The following RNF103 variants were observed in gnomAD, a reference collection of about 807,000 sequenced individuals.
RNF103 encodes the protein ring finger protein 103, also known as E3 ubiquitin-protein ligase RNF103.
In RNF103, 23 loss-of-function variants were observed where a neutral mutation model predicts 66.2. The observed-to-expected ratio is 0.35, with a 90% CI of 0.25 to 0.49. The LOEUF (loss-of-function observed/expected upper bound fraction) is 0.49. Among genes scored for constraint, RNF103 ranks in the 20% least tolerant of loss-of-function variants. The probability of loss-of-function intolerance (pLI) is 0.98; values close to 1 mark genes in which losing one functional copy is unlikely to be tolerated. For synonymous variants in RNF103, 297 were observed against 289.9 expected (o/e 1.02, Z -0.25); for missense variants, 730 against 814.7 (o/e 0.90, Z 1.27).
Position 86,603,948 on chromosome 2 carries a change from C to A in RNF103, c.1953G>T (p.Trp651Cys). 1 of 1,614,130 alleles carries A rather than the reference C, an allele frequency of 6.2e-7. No homozygotes were observed. Among genetic ancestry groups the A allele is most frequent in the African/African-American group, 1.3e-5 (1 of 75,022 alleles). ...HVFHQNCIVM[W>C]LAGGRHCCPV... ...GGCAACAATGTCGGCCCCCAGCCAA[C>A]CACATCACAATGCAATTCTGATGAA... The change falls in exon 4 of 4, where the codon TGG becomes TGT. Residue 651 changes from tryptophan (W) to cysteine (C), a missense_variant. Physicochemically the swap from Trp to Cys is radical, Grantham distance 215 (BLOSUM62 -2). Transcript: ENST00000237455.
In RNF103 at chr2:86,604,136, C is replaced by T; in HGVS notation, c.1765G>A (p.Glu589Lys). 6.2e-7 allele frequency: 1 copy of T among 1,613,370 alleles called. No individual in the cohort carries two copies. The highest frequency in any genetic ancestry group is 1.1e-5 in the South Asian group (1 of 91,084). Residue 589 changes from glutamate (E) to lysine (K), a missense_variant, in exon 4 of 4, where the codon GAA becomes AAA. Coordinates refer to ENST00000237455, the MANE Select transcript of RNF103 (RefSeq NM_005667.4). ...GATCCATATGACCTCCCCTTCCTTT[C>T]ACATGGGCTGGTCTGACAATATTTA... ...ANKYCQTSPC[E>K]RKGRSYGSYN... is the part of the protein sequence containing the mutation.
rs1239338036 is a variant in RNF103 at position 86,623,151 on chromosome 2, A to T, written c.-265T>A. ...GAGCCGACAAAAATAAAGGGGAAAA[A>T]CTCAAAACCCCCATCCATTAAGCAC... On this transcript the variant is annotated 5_prime_UTR_variant, in exon 1 of 4. Coordinates refer to ENST00000237455, the MANE Select transcript of RNF103 (RefSeq NM_005667.4). 8.7e-7 allele frequency: 1 copy of T among 1,146,758 alleles called. No individual in the cohort carries two copies. The highest frequency in any genetic ancestry group is 1.6e-5 in the African/African-American group (1 of 60,900). The allele number at this position is 1,146,758 out of a possible 1,614,324, so 71.0% of individuals were successfully genotyped here.
At chr2:86,617,539 AT>A in intron 2 of RNF103, 1 of 629,500 alleles carries the variant, frequency 1.6e-6, no homozygotes, top group Non-Finnish European at 2.0e-6. Flanking sequence ...AGGAAAAAAC[AT>A]AGACTATATA....
At position 86,622,967 on chromosome 2, in the gene RNF103, G is replaced by A. The variant is rs1679291536; in HGVS notation, c.-81C>T. Reference sequence around the variant, plus strand: ...TCGAGGGCGGGGGCCGCGGCTCGGTGGCAGCTTGGGCGAGGGCCCCGTGTC... The same window carrying A: ...TCGAGGGCGGGGGCCGCGGCTCGGTAGCAGCTTGGGCGAGGGCCCCGTGTC... On this transcript the variant is annotated 5_prime_UTR_variant, in exon 1 of 4. Coordinates refer to ENST00000237455, the MANE Select transcript of RNF103 (RefSeq NM_005667.4). 4.1e-6 allele frequency: 6 copies of A among 1,475,972 alleles called. No homozygotes were observed. The highest frequency in any genetic ancestry group is 5.4e-6 in the Non-Finnish European group (6 of 1,112,818). The allele number at this position is 1,475,972 out of a possible 1,614,324, so 91.4% of individuals were successfully genotyped here.
Position 86,604,513 on chromosome 2 carries a change from G to C in RNF103, c.1388C>G (p.Thr463Ser). 1 of 1,614,198 alleles carries C rather than the reference G, an allele frequency of 6.2e-7. No individual in the cohort carries two copies. The highest frequency in any genetic ancestry group is 1.7e-5 in the Admixed American group (1 of 60,026). ...AGCAATCGGGTGGAAGAGGTAGCTG[G>C]TGTACCAGTCCCACAGACTTGATAA... ...EWLSSLWDWY[T>S]SYLFHPIASF... is the part of the protein sequence containing the mutation. Residue 463 changes from threonine to serine, a missense_variant, in exon 4 of 4, where the codon ACC (threonine) becomes AGC (serine). By Grantham distance (58) the Thr-to-Ser change is moderately conservative. This residue lies in a region of RNF103 where 355 missense variants were observed against 351.9 expected (regional missense o/e 1.01). Transcript: ENST00000237455.
At chr2:86,617,330 C>T in intron 2 of RNF103, 5 of 985,184 alleles carry the variant, frequency 5.1e-6, no homozygotes, top group Non-Finnish European at 6.0e-6. Flanking sequence ...ATACAGTGGT[C>T]TCCCCTTACC....
intron 3 of RNF103, among the ~76,000 whole-genome samples, chr2:86,608,465 C>A (rs1241447612): frequency 9.0e-6 from 1 of 110,850 alleles, no homozygotes; most frequent in African/African-American, 3.6e-5. Flanking sequence ...CCAGCCTGGG[C>A]AATAGAGTGA....
intron 3 of RNF103, among the ~76,000 whole-genome samples, chr2:86,610,435 C>T (rs1237368718): frequency 2.0e-5 from 3 of 152,180 alleles, no homozygotes; most frequent in African/African-American, 7.2e-5. Flanking sequence ...ACTTCTGATG[C>T]ACTCTGATTT....
At position 86,604,713 on chromosome 2, in the gene RNF103, A is replaced by G. The variant is rs924812236; in HGVS notation, c.1188T>C (p.Tyr396=). The change falls in exon 4 of 4, where the codon TAT becomes TAC. Residue 396 remains tyrosine (Y), a synonymous_variant. Coordinates refer to ENST00000237455, the MANE Select transcript of RNF103 (RefSeq NM_005667.4). ...ATGAAGCCAGTGTGGTTGTATTGGAATATCTCAACAATTTTAAGCTATATT... is the reference window on the plus strand; with the variant it reads ...ATGAAGCCAGTGTGGTTGTATTGGAGTATCTCAACAATTTTAAGCTATATT... The part of the protein sequence containing the change: ...FYEYSLKLLR[Y]SNTTTLASWV... The G allele has an allele frequency of 1.9e-6, 3 of 1,614,010 alleles. No homozygotes were observed. The highest frequency in any genetic ancestry group is 1.7e-6 in the Non-Finnish European group (2 of 1,180,032).
intron 2 of RNF103, 107 bp from the exon 3 acceptor site, chr2:86,612,381 C>T: frequency 1.5e-6 from 1 of 649,304 alleles, no homozygotes. Context: ...ATATTCTGTT[C>T]CCAGTTCTTG....
intron 2 of RNF103, among the ~76,000 whole-genome samples, chr2:86,619,329 C>T (rs959635909): frequency 6.6e-6 from 1 of 152,082 alleles, no homozygotes; most frequent in African/African-American, 2.4e-5. Context: ...AATTTTCATG[C>T]CCTGAATCAA....
Position 86,603,967 on chromosome 2 carries a change from T to C in RNF103, c.1934A>G (p.Gln645Arg). The C allele has an allele frequency of 2.5e-6, 4 of 1,614,116 alleles. No homozygotes were observed. The highest frequency in any genetic ancestry group is 2.5e-6 in the Non-Finnish European group (3 of 1,180,028). The change falls in exon 4 of 4, where the codon CAG (glutamine) becomes CGG (arginine). Residue 645 changes from glutamine to arginine, a missense_variant. Physicochemically the swap from Gln to Arg is conservative, Grantham distance 43. Around this residue, in one of 3 missense-constraint regions of RNF103, gnomAD observed 355 missense variants for 351.9 expected, o/e 1.01. Coordinates refer to ENST00000237455, the MANE Select transcript of RNF103 (RefSeq NM_005667.4). The stretch of plus-strand genomic sequence containing the variant: ...AGCCAACCACATCACAATGCAATTC[T>C]GATGAAACACATGACCACAAGGCAA... ...MGLPCGHVFH[Q>R]NCIVMWLAGG...
rs1014010483 is a variant in RNF103, at chr2:86,605,168, G to T, written c.733C>A (p.Gln245Lys). ...LKIYLFANLD[Q>K]PPAFFSALSI... is the part of the protein sequence containing the mutation. ...AGTGCAGAGAAGAAAGCTGGGGGCTGGTCAAGGTTTGCAAATAGGTATATT... is the reference window on the plus strand; with the variant it reads ...AGTGCAGAGAAGAAAGCTGGGGGCTTGTCAAGGTTTGCAAATAGGTATATT... The change falls in exon 4 of 4, where the codon CAG (glutamine) becomes AAG (lysine). Residue 245 changes from glutamine (Q) to lysine (K), a missense_variant. Transcript: ENST00000237455. 8.1e-6 allele frequency: 13 copies of T among 1,613,604 alleles called. 1 individual carries two copies. Among genetic ancestry groups the T allele is most frequent in the Admixed American group, 5.0e-5 (3 of 60,008 alleles).
chr2:86,623,071 A>T lies in RNF103; in HGVS notation c.-185T>A. On this transcript the variant is annotated 5_prime_UTR_variant, in exon 1 of 4. Coordinates refer to ENST00000237455, the MANE Select transcript of RNF103 (RefSeq NM_005667.4). ...AGGTGACGGGATCCGCGCGGGCGCG[A>T]GGCGGCGACGAGGGACGCAGAGACG... 7.8e-7 allele frequency: 1 copy of T among 1,284,040 alleles called. No individual in the cohort carries two copies. The highest frequency in any genetic ancestry group is 9.8e-7 in the Non-Finnish European group (1 of 1,020,328). The allele number at this position is 1,284,040 out of a possible 1,614,324, so 79.5% of individuals were successfully genotyped here. A position where few individuals can be genotyped will look rare whatever the true frequency, so the allele number is the denominator to read the frequency against.
intron 1 of RNF103, among the ~76,000 whole-genome samples, 179 bp downstream of exon 1, chr2:86,622,482 A>T (rs1038993274): frequency 6.6e-6 from 1 of 152,220 alleles, no homozygotes; most frequent in Non-Finnish European, 1.5e-5. Flanking sequence ...AAATAATTTC[A>T]GACTCCTCCT....
rs116455611 is a variant in RNF103, at chr2:86,622,613, G to A, written c.226+48C>T. 2.3e-4 allele frequency: 369 copies of A among 1,582,448 alleles called. 3 individuals are homozygous for A. In the African/African-American group the frequency reaches 4.2e-3, roughly 18 times the overall value. On this transcript the variant is annotated intron_variant, in intron 1 of 3. Coordinates refer to ENST00000237455, the MANE Select transcript of RNF103 (RefSeq NM_005667.4). Reference sequence around the variant, plus strand: ...AGCCAGGTACCAGGAGGTACAGGTCGTCCCCTCTCCCAGGTGGAGGGGACC... The same window carrying A: ...AGCCAGGTACCAGGAGGTACAGGTCATCCCCTCTCCCAGGTGGAGGGGACC...
At chr2:86,617,538 C>A in intron 2 of RNF103, 4 of 631,648 alleles carry the variant, frequency 6.3e-6, no homozygotes, top group Non-Finnish European at 7.9e-6. Flanking sequence ...TAGGAAAAAA[C>A]ATAGACTATA....
Position 86,604,057 on chromosome 2 carries a change from A to C in RNF103, c.1844T>G (p.Met615Arg). The C allele has an allele frequency of 3.7e-6, 6 of 1,614,088 alleles. No individual in the cohort carries two copies. Among genetic ancestry groups the C allele is most frequent in the Non-Finnish European group, 5.1e-6 (6 of 1,180,032 alleles). ...EPDWLTWPAD[M>R]LHCTECVVCL... is the part of the protein sequence containing the mutation. ...AACAACACATTCAGTACAGTGCAGCATATCAGCAGGCCAAGTTAACCAATC... is the reference window on the plus strand; with the variant it reads ...AACAACACATTCAGTACAGTGCAGCCTATCAGCAGGCCAAGTTAACCAATC... The change falls in exon 4 of 4, where the codon ATG becomes AGG. Residue 615 changes from methionine to arginine, a missense_variant. Transcript: ENST00000237455.
chr2:86,617,088 T>C lies in RNF103; in HGVS notation c.366+3242A>G, dbSNP rs188876277. On this transcript the variant is annotated intron_variant, in intron 2 of 3. Coordinates refer to ENST00000237455, the MANE Select transcript of RNF103 (RefSeq NM_005667.4). ...ACTTAGAAAAAAGAGCACTTGGTTC[T>C]ACATGTATTTCATAGTGTGTCATTG... The C allele has an allele frequency of 2.5e-3, 2,494 of 985,304 alleles. 5 individuals carry two copies. Among genetic ancestry groups the C allele is most frequent in the Non-Finnish European group, 2.7e-3 (2,230 of 829,764 alleles). The allele number at this position is 985,304 out of a possible 1,614,324, so 61.0% of individuals were successfully genotyped here.
Sources: gnomAD v4.1 joint callset for allele counts (sites outside exome capture counted in the v4.1 genomes callset) on GRCh38, gnomAD v4.1.1 for gene constraint, gnomAD v4.1.1 regional missense constraint, MANE v1.5 for transcripts, NCBI Gene and HGNC (gene_info 2026-07-23, HGNC 2026-07-21) for gene names.